The following RUNX1T1 variants were observed in gnomAD, a reference collection of about 807,000 sequenced individuals.
RUNX1T1 encodes RUNX1 partner transcriptional co-repressor 1, also known as protein CBFA2T1.
In RUNX1T1, 4 loss-of-function variants were observed where a neutral mutation model predicts 62.8. The ratio of observed to expected loss-of-function variants is 0.06; its 90% CI spans 0.03 to 0.15. The LOEUF is 0.15. Ranked by LOEUF, RUNX1T1 falls within the 10% of genes least tolerant of loss-of-function variation. The pLI is 1.00. For missense variants in RUNX1T1, 508 were observed against 754.3 expected (o/e 0.67, Z 3.82); for synonymous variants, 291 against 286.0 (o/e 1.02, Z -0.18).
chr8:92,059,364 G>C (rs904066253), intron 1 of RUNX1T1, among the ~76,000 whole-genome samples: 3 of 152,034 alleles, frequency 2.0e-5, no homozygotes, highest in Non-Finnish European at 4.4e-5. Flanking sequence ...AGTTACTAGG[G>C]ATACTAACAG....
At position 91,996,115 on chromosome 8, in the gene RUNX1T1, T is replaced by C. The variant is rs114820779; in HGVS notation, c.660-4226A>G. On this transcript the variant is annotated intron_variant, in intron 5 of 10. Transcript: ENST00000396218. ...TATACCCTTGAAATAACTCAAATTC[T>C]AGTAGAAATCTGAAGTGAGAGGTAA... 5.9e-3 allele frequency among the ~76,000 whole-genome samples: 906 copies of C among 152,366 alleles called. 4 individuals are homozygous for C. The highest frequency in any genetic ancestry group is 0.021 in the African/African-American group (855 of 41,582).
intron 4 of RUNX1T1, 183 bp downstream of exon 5, chr8:92,010,819 A>C (rs1251230859): frequency 4.2e-6 from 2 of 477,034 alleles, no homozygotes; most frequent in Non-Finnish European, 7.4e-6. Flanking sequence ...TCAGGTAATT[A>C]TTTAAAACAC....
At chr8:92,003,900 C>T (rs1050072299) in intron 5 of RUNX1T1, among the ~76,000 whole-genome samples, 3 of 152,180 alleles carry the variant, frequency 2.0e-5, no homozygotes, top group Non-Finnish European at 4.4e-5. Context: ...GCCTACAATA[C>T]GTCAAAAGGG....
chr8:91,998,887 T>C (rs932186451), intron 5 of RUNX1T1, among the ~76,000 whole-genome samples: 4 of 152,194 alleles, frequency 2.6e-5, no homozygotes, highest in Non-Finnish European at 5.9e-5. Flanking sequence ...AGATGCATTT[T>C]TTAACTAAAC....
chr8:92,045,212 T>C (rs1474549893), intron 1 of RUNX1T1, among the ~76,000 whole-genome samples: 1 of 151,992 alleles, frequency 6.6e-6, no homozygotes, highest in African/African-American at 2.4e-5. Context: ...TAAACCATAA[T>C]ATAATTGCAA....
intron 1 of RUNX1T1, among the ~76,000 whole-genome samples, chr8:92,059,903 C>G (rs1040899851): frequency 6.6e-6 from 1 of 152,054 alleles, no homozygotes; most frequent in Non-Finnish European, 1.5e-5. Flanking sequence ...GTGGTCTGAC[C>G]TAATACTAGC....
intron 8 of RUNX1T1, among the ~76,000 whole-genome samples, chr8:91,984,818 G>A (rs1189157331): frequency 1.3e-5 from 2 of 152,062 alleles, no homozygotes; most frequent in South Asian, 2.1e-4. Context: ...CAAACCAAAC[G>A]TAATTCTGTT....
upstream of RUNX1T1, among the ~76,000 whole-genome samples, chr8:92,065,363 A>T (rs1475108905): frequency 1.3e-5 from 2 of 152,238 alleles, no homozygotes; most frequent in Non-Finnish European, 2.9e-5. Context: ...ATTTTATAAA[A>T]CTAAAATATA....
At chr8:92,012,744 C>T (rs1438573083) in intron 3 of RUNX1T1, among the ~76,000 whole-genome samples, 1 of 143,336 alleles carries the variant, frequency 7.0e-6, no homozygotes, top group Admixed American at 6.9e-5. Flanking sequence ...GTATAAAAAT[C>T]ACTCCCTCAA....
At chr8:92,085,128 A>T (rs1054422032) in intron 1 of RUNX1T1, among the ~76,000 whole-genome samples, 1 of 152,218 alleles carries the variant, frequency 6.6e-6, no homozygotes, top group Non-Finnish European at 1.5e-5. Flanking sequence ...GCTAAAGGAG[A>T]TAAATGGTAA....
chr8:91,966,153 T>C (rs1396656548), intron 10 of RUNX1T1, among the ~76,000 whole-genome samples: 6 of 147,152 alleles, frequency 4.1e-5, no homozygotes, highest in African/African-American at 1.5e-4. Flanking sequence ...ACATATTGTA[T>C]ATTGTATAAC....
intron 1 of RUNX1T1, among the ~76,000 whole-genome samples, chr8:92,085,073 T>C (rs1304645953): frequency 6.6e-6 from 1 of 152,178 alleles, no homozygotes; most frequent in African/African-American, 2.4e-5. Flanking sequence ...TATGAGGCCA[T>C]GCCATTATTA....
At chr8:91,996,420 C>T (rs1818693055) in intron 5 of RUNX1T1, among the ~76,000 whole-genome samples, 1 of 152,118 alleles carries the variant, frequency 6.6e-6, no homozygotes, top group Non-Finnish European at 1.5e-5. Context: ...CCAGGATGGT[C>T]TCGATATCCT....
At chr8:92,056,274 T>C (rs1308299970) in intron 1 of RUNX1T1, among the ~76,000 whole-genome samples, 1 of 152,222 alleles carries the variant, frequency 6.6e-6, no homozygotes, top group African/African-American at 2.4e-5. Flanking sequence ...CAGTTTACTT[T>C]GTCAAACTCT....
chr8:92,065,849 T>C (rs1326596715), upstream of RUNX1T1, among the ~76,000 whole-genome samples: 1 of 152,210 alleles, frequency 6.6e-6, no homozygotes, highest in Non-Finnish European at 1.5e-5. Flanking sequence ...TGTGATACAC[T>C]GTGACTTCAC....
At chr8:92,078,492 A>T (rs1364653399) in intron 1 of RUNX1T1, among the ~76,000 whole-genome samples, 1 of 152,174 alleles carries the variant, frequency 6.6e-6, no homozygotes, top group South Asian at 2.1e-4. Context: ...TACTGAGAAA[A>T]GTTTAAAAGC....
intron 1 of RUNX1T1, among the ~76,000 whole-genome samples, chr8:92,024,475 G>T (rs1322606969): frequency 9.6e-6 from 1 of 104,468 alleles, no homozygotes; most frequent in African/African-American, 3.9e-5. Flanking sequence ...TGCCACTGGG[G>T]TAACAGAGTG....
At chr8:91,976,572 A>G (rs1813995876) in intron 8 of RUNX1T1, among the ~76,000 whole-genome samples, 1 of 152,256 alleles carries the variant, frequency 6.6e-6, no homozygotes, top group African/African-American at 2.4e-5. Flanking sequence ...CATTCTGTTG[A>G]GCAGAGAGAA....
intron 1 of RUNX1T1, among the ~76,000 whole-genome samples, chr8:92,023,092 T>G (rs1824430144): frequency 6.6e-6 from 1 of 152,132 alleles, no homozygotes; most frequent in African/African-American, 2.4e-5. Context: ...TTCTGGACAA[T>G]GGGCCATGAA....
Sources: allele counts gnomAD v4.1 joint callset (sites outside exome capture counted in the v4.1 genomes callset), GRCh38; gene constraint gnomAD v4.1.1; transcripts MANE v1.5; gene names NCBI Gene and HGNC (gene_info 2026-07-23, HGNC 2026-07-21).